MECOM: variants seen among roughly 807,000 people sequenced by gnomAD.
MECOM encodes the protein MDS1 and EVI1 complex locus.
In MECOM, 13 loss-of-function variants were observed where a neutral mutation model predicts 116.3. The ratio of observed to expected loss-of-function variants is 0.11; its 90% CI spans 0.07 to 0.18. The LOEUF (loss-of-function observed/expected upper bound fraction) is 0.18. MECOM is among the 10% of genes least tolerant of loss of function. The pLI is 1.00. For synonymous variants in MECOM, 528 were observed against 535.2 expected (o/e 0.99, Z 0.19); for missense variants, 1,299 against 1,509.0 (o/e 0.86, Z 2.31).
chr3:169,096,285 T>G (rs1721448925), intron 12 of MECOM, among the ~76,000 whole-genome samples: 2 of 151,880 alleles, frequency 1.3e-5, no homozygotes, highest in Admixed American at 6.6e-5. Flanking sequence ...TTTTTTTTGT[T>G]TTTTAGATGG....
intron 1 of MECOM, among the ~76,000 whole-genome samples, chr3:169,382,856 A>AT (rs1327312656): frequency 1.1e-4 from 12 of 107,574 alleles, no homozygotes; most frequent in African/African-American, 4.2e-4. Flanking sequence ...TCTCAAAAAA[A>AT]AAAAAAAATA....
chr3:169,472,766 A>T (rs1749763558), intron 1 of MECOM, among the ~76,000 whole-genome samples: 1 of 151,854 alleles, frequency 6.6e-6, no homozygotes, highest in Admixed American at 6.6e-5. Flanking sequence ...AGGGAGGGAA[A>T]GAAAGTAATA....
intron 1 of MECOM, among the ~76,000 whole-genome samples, chr3:169,441,494 T>G (rs1463037598): frequency 6.6e-6 from 1 of 152,000 alleles, no homozygotes; most frequent in African/African-American, 2.4e-5. Flanking sequence ...TATCAAAAAA[T>G]AGAAAGACTA....
chr3:169,374,631 T>TCTCA (rs1395417256), intron 2 of MECOM, among the ~76,000 whole-genome samples: 1 of 151,996 alleles, frequency 6.6e-6, no homozygotes, highest in Non-Finnish European at 1.5e-5. Flanking sequence ...TCTCACGTTG[T>TCTCA]CTCATAATGG....
At chr3:169,607,136 T>C (rs1421002695) in intron 1 of MECOM, among the ~76,000 whole-genome samples, 1 of 152,228 alleles carries the variant, frequency 6.6e-6, no homozygotes, top group East Asian at 1.9e-4. Flanking sequence ...TATAATATCT[T>C]TATAAATGAA....
At chr3:169,130,692 CAATA>C in intron 4 of MECOM, among the ~76,000 whole-genome samples, 1 of 152,012 alleles carries the variant, frequency 6.6e-6, no homozygotes, top group South Asian at 2.1e-4. Context: ...TAATCCTTCC[CAATA>C]GACCTTCCAA....
Position 169,658,979 on chromosome 3 carries a change from G to A in MECOM, c.37+4357C>T, listed in dbSNP as rs569099541. Reference sequence around the variant, plus strand: ...TGCCCCAGGTCACAACTGCAGCCTCGGATAACCTGGCCCCAACTTACAAAA... The same window carrying A: ...TGCCCCAGGTCACAACTGCAGCCTCAGATAACCTGGCCCCAACTTACAAAA... On this transcript the variant is annotated intron_variant, in intron 1 of 16. Coordinates refer to ENST00000651503, the MANE Select transcript of MECOM (RefSeq NM_004991.4). Among the ~76,000 whole-genome samples, 15 of 150,768 alleles carry A rather than the reference G, an allele frequency of 9.9e-5. 1 individual carries two copies. The highest frequency in any genetic ancestry group is 3.4e-4 in the African/African-American group (14 of 40,922).
chr3:169,623,083 A>G (rs2421747), intron 1 of MECOM, among the ~76,000 whole-genome samples: 25,680 of 152,148 alleles, frequency 0.17, 2,243 homozygotes, highest in Middle Eastern at 0.2. Flanking sequence ...TCAAGTCACA[A>G]TTCAGATTAG....
rs572906212 is a variant in MECOM, at chr3:169,115,610, C to G, written c.2262G>C (p.Leu754Phe). ...CTGGAGGCTTGGAGGGGACTGGAGTCAAGGGCTTCTCATCCTTTCGCTTAG... is the reference window on the plus strand; with the variant it reads ...CTGGAGGCTTGGAGGGGACTGGAGTGAAGGGCTTCTCATCCTTTCGCTTAG... ...LTTKRKDEKPLTPVPSKPPVT... is the reference protein window; with the variant it reads ...LTTKRKDEKPFTPVPSKPPVT... The change falls in exon 8 of 17, where the codon TTG becomes TTC. Residue 754 changes from leucine (L) to phenylalanine (F), a missense_variant. Leu to Phe is a conservative substitution (Grantham distance 22, BLOSUM62 0). This residue lies in a region of MECOM where 340 missense variants were observed against 312.6 expected (regional missense o/e 1.09). Coordinates refer to ENST00000651503, the MANE Select transcript of MECOM (RefSeq NM_004991.4). 2.5e-4 allele frequency: 408 copies of G among 1,614,062 alleles called. 10 individuals carry two copies. In the South Asian group the frequency reaches 4.3e-3, roughly 17 times the overall value.
At chr3:169,373,996 C>T (rs1403042212) in intron 2 of MECOM, among the ~76,000 whole-genome samples, 2 of 151,908 alleles carry the variant, frequency 1.3e-5, no homozygotes, top group Admixed American at 1.3e-4. Context: ...AAGCCCTAAC[C>T]CCCATTAGGG....
chr3:169,226,260 A>T (rs1455717199), intron 2 of MECOM, among the ~76,000 whole-genome samples: 1 of 152,202 alleles, frequency 6.6e-6, no homozygotes, highest in African/African-American at 2.4e-5. Context: ...GTTAGTCTTC[A>T]TTATATCTAA....
intron 1 of MECOM, among the ~76,000 whole-genome samples, chr3:169,499,007 T>G (rs552588571): frequency 1.3e-5 from 2 of 152,054 alleles, no homozygotes; most frequent in Non-Finnish European, 2.9e-5. Context: ...TTAGTTAATT[T>G]TACGAAGAAA....
intron 1 of MECOM, among the ~76,000 whole-genome samples, chr3:169,552,859 A>C (rs1301919524): frequency 1.3e-5 from 2 of 149,230 alleles, no homozygotes; most frequent in African/African-American, 5.1e-5. Context: ...GTCCCCAGTC[A>C]CTTTGAATCT....
At position 169,143,847 on chromosome 3, in the gene MECOM, A is replaced by T; in HGVS notation, c.376-15T>A. On this transcript the variant is annotated splice_polypyrimidine_tract_variant and intron_variant, in intron 2 of 16. Transcript: ENST00000651503. ...TCGTCTAAGATCTGGAGGGAAGAAG[A>T]TGAGAACAATCAATTGCCATATTGG... The T allele has an allele frequency of 6.3e-7, 1 of 1,588,066 alleles. No individual in the cohort carries two copies. The highest frequency in any genetic ancestry group is 8.6e-7 in the Non-Finnish European group (1 of 1,167,048).
At chr3:169,290,022 G>C (rs1304081721) in intron 2 of MECOM, among the ~76,000 whole-genome samples, 1 of 152,086 alleles carries the variant, frequency 6.6e-6, no homozygotes, top group Non-Finnish European at 1.5e-5. Flanking sequence ...TTTAATGAAA[G>C]GTTCTATGCT....
chr3:169,575,064 C>CCCTTCTTTTTACTTCTAGT (rs1764331458), intron 1 of MECOM, among the ~76,000 whole-genome samples: 1 of 152,128 alleles, frequency 6.6e-6, no homozygotes, highest in Non-Finnish European at 1.5e-5. Flanking sequence ...CCCTTCTTAA[C>CCCTTCTTTTTACTTCTAGT]TAGTAAAAAA....
At chr3:169,367,874 G>A (rs555969384) in intron 2 of MECOM, among the ~76,000 whole-genome samples, 1 of 152,106 alleles carries the variant, frequency 6.6e-6, no homozygotes, top group South Asian at 2.1e-4. Flanking sequence ...GAAGATACCT[G>A]TGAGATCTCC....
At chr3:169,164,640 A>T (rs1282429639) in intron 2 of MECOM, among the ~76,000 whole-genome samples, 1 of 152,204 alleles carries the variant, frequency 6.6e-6, no homozygotes, top group Non-Finnish European at 1.5e-5. Context: ...ACACAAAGGT[A>T]AAAATAAAAG....
intron 2 of MECOM, among the ~76,000 whole-genome samples, chr3:169,375,594 T>C (rs758270584): frequency 6.6e-6 from 1 of 152,076 alleles, no homozygotes; most frequent in Non-Finnish European, 1.5e-5. Flanking sequence ...ATGGATAAAT[T>C]CCTGGACAAA....
Sources: allele counts gnomAD v4.1 joint callset (sites outside exome capture counted in the v4.1 genomes callset), GRCh38; gene constraint gnomAD v4.1.1; regional missense constraint gnomAD v4.1.1; transcripts MANE v1.5; gene names NCBI Gene and HGNC (gene_info 2026-07-23, HGNC 2026-07-21).